Variants in ACCSL observed in about 807,000 individuals in gnomAD.
ACCSL encodes the protein probable inactive 1-aminocyclopropane-1-carboxylate synthase-like protein 2.
ACCSL carries 55 observed loss-of-function variants against 61.7 expected under a neutral mutation model. The observed-to-expected ratio is 0.89, with a 90% CI of 0.72 to 1.12. The LOEUF is 1.12. Among genes scored for constraint, ACCSL ranks in the 50% most tolerant of loss-of-function variants. The pLI is 0.00. For missense variants in ACCSL, 632 were observed against 698.0 expected, an observed-to-expected ratio of 0.91 and a Z score of 1.07; for synonymous variants, 258 against 264.3, an observed-to-expected ratio of 0.98 and a Z score of 0.23.
chr11:43,945,429 C>T, the ACCSL span: 2 of 152,222 alleles, frequency 1.3e-5, no homozygotes, highest in African/African-American at 4.8e-5. Flanking sequence ...ACCTCTTCGG[C>T]AGCAGCTCCT....
chr11:43,927,599 C>G, the ACCSL span, among the ~76,000 whole-genome samples: 1 of 152,220 alleles, frequency 6.6e-6, no homozygotes, highest in Non-Finnish European at 1.5e-5. Flanking sequence ...GTAGCTAAAC[C>G]TTTGAGTACA....
the ACCSL span, among the ~76,000 whole-genome samples, chr11:44,035,019 C>T: frequency 6.6e-5 from 10 of 152,240 alleles, no homozygotes; most frequent in South Asian, 2.1e-4. Context: ...CTCTCTTATC[C>T]CAGGGCCTTT....
At chr11:44,055,920 T>C (rs1952668076) in intron 9 of ACCSL, 120 bp from the exon 10 acceptor site, 4 of 1,126,916 alleles carry the variant, frequency 3.5e-6, no homozygotes, top group Non-Finnish European at 5.1e-6. Flanking sequence ...TTCTTGAGCT[T>C]TGGGCCCTAT....
chr11:44,047,805 G>A (rs536309666), upstream of ACCSL, among the ~76,000 whole-genome samples: 21 of 152,308 alleles, frequency 1.4e-4, no homozygotes, highest in African/African-American at 4.8e-4. Flanking sequence ...AGCACTCAGT[G>A]TCTAGGCTTG....
At chr11:44,000,534 A>AAAG in the ACCSL span, among the ~76,000 whole-genome samples, 1 of 149,468 alleles carries the variant, frequency 6.7e-6, no homozygotes, top group African/African-American at 2.5e-5. Flanking sequence ...TCAAAAAAAA[A>AAAG]AAAAGAAAAG....
At chr11:43,923,599 T>G in the ACCSL span, among the ~76,000 whole-genome samples, 1 of 152,242 alleles carries the variant, frequency 6.6e-6, no homozygotes, top group Non-Finnish European at 1.5e-5. Context: ...TTCCTGCATC[T>G]GGGTGTCAAT....
chr11:43,968,907 G>A, the ACCSL span, among the ~76,000 whole-genome samples: 2 of 152,158 alleles, frequency 1.3e-5, no homozygotes, highest in Non-Finnish European at 2.9e-5. Context: ...GAGAAACAGA[G>A]CTTGGGCTCA....
At chr11:44,021,521 C>A in the ACCSL span, among the ~76,000 whole-genome samples, 1 of 151,952 alleles carries the variant, frequency 6.6e-6, no homozygotes, top group Admixed American at 6.6e-5. Flanking sequence ...TATATTAGTT[C>A]CTTGTTGGAT....
At chr11:43,974,587 C>A in the ACCSL span, among the ~76,000 whole-genome samples, 1,372 of 152,286 alleles carry the variant, frequency 9.0e-3, 21 homozygotes, top group African/African-American at 0.031. Context: ...ACCATTCAAT[C>A]CCCAACACCA....
chr11:43,930,380 T>G, the ACCSL span, among the ~76,000 whole-genome samples: 21 of 152,152 alleles, frequency 1.4e-4, no homozygotes, highest in African/African-American at 1.9e-4. Flanking sequence ...CATGTTGAAA[T>G]GTGACTCCCA....
chr11:43,964,187 G>C, the ACCSL span, among the ~76,000 whole-genome samples: 1 of 152,156 alleles, frequency 6.6e-6, no homozygotes. Context: ...GCTCATGCCT[G>C]TAATCCCAGC....
At chr11:44,032,613 A>G in the ACCSL span, among the ~76,000 whole-genome samples, 3 of 152,302 alleles carry the variant, frequency 2.0e-5, no homozygotes, top group South Asian at 4.1e-4. Flanking sequence ...AAGCACTCCT[A>G]GCTCTGGGAA....
the ACCSL span, among the ~76,000 whole-genome samples, chr11:44,018,285 A>T: frequency 1.3e-5 from 2 of 152,166 alleles, no homozygotes; most frequent in Non-Finnish European, 2.9e-5. Flanking sequence ...CCAGACTGAG[A>T]TGTGAACTCA....
chr11:44,037,698 G>A, the ACCSL span, among the ~76,000 whole-genome samples: 7 of 152,164 alleles, frequency 4.6e-5, no homozygotes, highest in Non-Finnish European at 7.3e-5. Context: ...GCAACTGATT[G>A]ATTTCTTCAT....
At chr11:43,988,047 G>A in the ACCSL span, among the ~76,000 whole-genome samples, 1 of 152,128 alleles carries the variant, frequency 6.6e-6, no homozygotes, top group Non-Finnish European at 1.5e-5. Flanking sequence ...CAGGAAGGAT[G>A]AATGTCCCTG....
chr11:43,985,375 G>A, the ACCSL span, among the ~76,000 whole-genome samples: 1 of 152,168 alleles, frequency 6.6e-6, no homozygotes, highest in African/African-American at 2.4e-5. Context: ...GAGAGAGATG[G>A]GAGAGCCGAG....
At chr11:43,944,621 G>A in the ACCSL span, 1 of 152,394 alleles carries the variant, frequency 6.6e-6, no homozygotes, top group Admixed American at 6.5e-5. Flanking sequence ...ACAAGCCTAG[G>A]GTAACAGGGA....
the ACCSL span, among the ~76,000 whole-genome samples, chr11:43,964,436 C>CA: frequency 0.053 from 4,078 of 76,958 alleles, 167 homozygotes; most frequent in African/African-American, 0.16. Context: ...GACATTGTCT[C>CA]AAAAAAAAAA....
the ACCSL span, among the ~76,000 whole-genome samples, chr11:43,992,054 CT>C: frequency 0.43 from 48,007 of 112,792 alleles, 7,027 homozygotes; most frequent in African/African-American, 0.56. Context: ...TTCTTTCTTT[CT>C]TTTTTTTTTT....
Sources: allele counts gnomAD v4.1 joint callset (sites outside exome capture counted in the v4.1 genomes callset), GRCh38; gene constraint gnomAD v4.1.1; transcripts MANE v1.5; gene names NCBI Gene and HGNC (gene_info 2026-07-23, HGNC 2026-07-21).